Variants in TOPAZ1 observed in about 807,000 individuals in gnomAD.
TOPAZ1 encodes the protein testis and ovary specific TOPAZ 1, also known as protein TOPAZ1.
Under a neutral mutation model 172.2 loss-of-function variants are expected in TOPAZ1, and 66 were observed. The ratio of observed to expected loss-of-function variants is 0.38; its 90% CI spans 0.31 to 0.47. The LOEUF (loss-of-function observed/expected upper bound fraction) is 0.47, where lower values mean the gene tolerates loss of function less well. Among genes scored for constraint, TOPAZ1 ranks in the 20% least tolerant of loss-of-function variants. The pLI is 0.99. For missense variants in TOPAZ1, 1,822 were observed against 1,972.4 expected (o/e 0.92, Z 1.44); for synonymous variants, 681 against 683.9 (o/e 1.00, Z 0.07).
chr3:44,329,545 G>A (rs1235069716), intron 19 of TOPAZ1, among the ~76,000 whole-genome samples: 2 of 152,194 alleles, frequency 1.3e-5, no homozygotes, highest in African/African-American at 4.8e-5. Flanking sequence ...AGCAAGAACT[G>A]TGAAGAGTCT....
At chr3:44,336,101 G>A (rs1700722775), downstream of TOPAZ1, among the ~76,000 whole-genome samples, 1 of 152,178 alleles carries the variant, frequency 6.6e-6, no homozygotes, top group Admixed American at 6.5e-5. Context: ...ACTGTATTTT[G>A]GTCTGGAACA....
intron 12 of TOPAZ1, among the ~76,000 whole-genome samples, chr3:44,291,571 C>T (rs1021497119): frequency 2.0e-5 from 3 of 150,002 alleles, no homozygotes; most frequent in Non-Finnish European, 3.0e-5. Flanking sequence ...ACTACCTGGG[C>T]GACAGAGCGA....
chr3:44,273,091 A>G (rs1456811928), intron 8 of TOPAZ1, among the ~76,000 whole-genome samples: 1 of 152,192 alleles, frequency 6.6e-6, no homozygotes, highest in Non-Finnish European at 1.5e-5. Context: ...CCATTCAAGT[A>G]ATTTCTCTAC....
chr3:44,309,187 C>CA (rs1700368975), intron 15 of TOPAZ1, among the ~76,000 whole-genome samples: 1 of 152,174 alleles, frequency 6.6e-6, no homozygotes, highest in South Asian at 2.1e-4. Context: ...ATGTCCAAAC[C>CA]AAAGGTAATT....
At chr3:44,307,108 C>T (rs6775925) in intron 15 of TOPAZ1, among the ~76,000 whole-genome samples, 70,815 of 151,940 alleles carry the variant, frequency 0.47, 17,642 homozygotes, top group East Asian at 0.81. Context: ...CCACAGCCTC[C>T]GCCTCCCAGG....
chr3:44,315,552 T>TA (rs71089097), intron 16 of TOPAZ1, among the ~76,000 whole-genome samples: 1 of 150,528 alleles, frequency 6.6e-6, no homozygotes, highest in African/African-American at 2.4e-5. Context: ...TTTTTTTTTT[T>TA]AGTAGGACAG....
rs1421047925 is a variant in TOPAZ1, at chr3:44,290,682, A to AT, written c.3682-87dup. 7.0e-6 allele frequency: 5 copies of AT among 716,264 alleles called. No homozygotes were observed. The African/African-American group carries it at 9.4e-5, about 13-fold the overall frequency. The allele number at this position is 716,264 out of a possible 1,614,324, so 44.4% of individuals were successfully genotyped here. On this transcript the variant is annotated intron_variant, in intron 11 of 19. Coordinates refer to ENST00000309765, the MANE Select transcript of TOPAZ1 (RefSeq NM_001145030.2). ...CTTGTCTCCATGTTTCACTTCTTCC[A>AT]TTAGTGTCTTAGTTGTTTCACACAC...
At chr3:44,321,951 T>C (rs1318464232) in intron 17 of TOPAZ1, among the ~76,000 whole-genome samples, 1 of 152,152 alleles carries the variant, frequency 6.6e-6, no homozygotes, top group Admixed American at 6.5e-5. Flanking sequence ...ATAGGGAGAT[T>C]GGACAGATAG....
intron 8 of TOPAZ1, among the ~76,000 whole-genome samples, chr3:44,277,550 A>C (rs1157075167): frequency 6.6e-6 from 1 of 152,208 alleles, no homozygotes; most frequent in African/African-American, 2.4e-5. Flanking sequence ...GAAAGTAGGC[A>C]TCCTTGTCTT....
intron 8 of TOPAZ1, among the ~76,000 whole-genome samples, chr3:44,280,092 TG>T (rs1448794056): frequency 6.6e-6 from 1 of 152,158 alleles, no homozygotes; most frequent in Non-Finnish European, 1.5e-5. Context: ...TTTGCTTGTC[TG>T]GGAAAGACTT....
At chr3:44,262,745 G>T (rs1377754006) in intron 5 of TOPAZ1, among the ~76,000 whole-genome samples, 2 of 152,162 alleles carry the variant, frequency 1.3e-5, no homozygotes, top group Non-Finnish European at 2.9e-5. Flanking sequence ...AAAAAATGAT[G>T]TATGTTTGAC....
At chr3:44,283,235 C>G (rs1700042131) in intron 9 of TOPAZ1, among the ~76,000 whole-genome samples, 1 of 150,676 alleles carries the variant, frequency 6.6e-6, no homozygotes, top group Non-Finnish European at 1.5e-5. Context: ...TGTCAAGAAC[C>G]TGTGGAAATT....
At chr3:44,260,474 C>A (rs976760674) in intron 4 of TOPAZ1, among the ~76,000 whole-genome samples, 3 of 151,998 alleles carry the variant, frequency 2.0e-5, no homozygotes, top group African/African-American at 7.2e-5. Flanking sequence ...AGAAACCCTT[C>A]CCCATCTCAA....
At chr3:44,259,907 A>C (rs920011676) in intron 4 of TOPAZ1, among the ~76,000 whole-genome samples, 2 of 152,202 alleles carry the variant, frequency 1.3e-5, no homozygotes, top group African/African-American at 4.8e-5. Flanking sequence ...GTCCCACCCA[A>C]AATCTCACCT....
intron 2 of TOPAZ1, among the ~76,000 whole-genome samples, chr3:44,248,587 T>G (rs1386944027): frequency 6.6e-6 from 1 of 152,204 alleles, no homozygotes; most frequent in Non-Finnish European, 1.5e-5. Flanking sequence ...TATCAGTAGT[T>G]GCACAGAAAC....
At chr3:44,276,694 T>G (rs997720683) in intron 8 of TOPAZ1, among the ~76,000 whole-genome samples, 2 of 147,874 alleles carry the variant, frequency 1.4e-5, no homozygotes, top group African/African-American at 2.5e-5. Flanking sequence ...TTTGGTTCCA[T>G]GTGAATTTTA....
chr3:44,257,426 T>C (rs1699724640), intron 4 of TOPAZ1, among the ~76,000 whole-genome samples: 1 of 136,364 alleles, frequency 7.3e-6, no homozygotes, highest in Non-Finnish European at 1.6e-5. Flanking sequence ...ATATATTTTA[T>C]ATATATATAA....
In TOPAZ1 at chr3:44,243,723, C is replaced by G; in HGVS notation, c.1217C>G (p.Thr406Arg). Reference protein sequence around the residue: ...LSVPETVEKETSSEHHVNAVF... With the variant: ...LSVPETVEKERSSEHHVNAVF... Reference sequence around the variant, plus strand: ...GTCCCAGAAACAGTAGAAAAAGAAACAAGTTCTGAACATCATGTAAATGCT... The same window carrying G: ...GTCCCAGAAACAGTAGAAAAAGAAAGAAGTTCTGAACATCATGTAAATGCT... The change falls in exon 2 of 20, where the codon ACA becomes AGA. Residue 406 changes from threonine to arginine, a missense_variant. Thr to Arg is a moderately conservative substitution (Grantham distance 71). Transcript: ENST00000309765. 1.3e-6 allele frequency: 2 copies of G among 1,550,876 alleles called. No homozygotes were observed. The highest frequency in any genetic ancestry group is 1.7e-6 in the Non-Finnish European group (2 of 1,146,860).
intron 2 of TOPAZ1, among the ~76,000 whole-genome samples, chr3:44,245,970 A>T (rs1182785266): frequency 1.3e-5 from 2 of 152,256 alleles, no homozygotes; most frequent in Non-Finnish European, 2.9e-5. Flanking sequence ...GATCAGTGCT[A>T]TCTATTTTAA....
Sources: gnomAD v4.1 joint callset for allele counts (sites outside exome capture counted in the v4.1 genomes callset) on GRCh38, gnomAD v4.1.1 for gene constraint, MANE v1.5 for transcripts, NCBI Gene and HGNC (gene_info 2026-07-23, HGNC 2026-07-21) for gene names.